Variants in PDE3A observed in about 807,000 individuals in gnomAD.
The protein encoded by PDE3A is phosphodiesterase 3A, also known as cGMP-inhibited 3',5'-cyclic phosphodiesterase 3A.
Under a neutral mutation model 98.3 loss-of-function variants are expected in PDE3A, and 43 were observed. That is an observed-to-expected ratio of 0.44 (90% CI 0.34 to 0.56). The LOEUF (loss-of-function observed/expected upper bound fraction) is 0.56, where lower values mean the gene tolerates loss of function less well. PDE3A is among the 20% of genes least tolerant of loss of function. The probability of loss-of-function intolerance (pLI) is 0.01; values close to 1 mark genes in which losing one functional copy is unlikely to be tolerated. For synonymous variants in PDE3A, 663 were observed against 567.9 expected (o/e 1.17, Z -2.38); for missense variants, 1,427 against 1,440.7 (o/e 0.99, Z 0.15).
At chr12:20,608,991 C>A (rs1185152446) in intron 2 of PDE3A, among the ~76,000 whole-genome samples, 1 of 151,964 alleles carries the variant, frequency 6.6e-6, no homozygotes, top group Non-Finnish European at 1.5e-5. Flanking sequence ...ATAAACATTA[C>A]TATTTCAGAG....
At chr12:20,525,117 G>T (rs755288060) in intron 1 of PDE3A, among the ~76,000 whole-genome samples, 1 of 152,162 alleles carries the variant, frequency 6.6e-6, no homozygotes, top group Non-Finnish European at 1.5e-5. Context: ...GGCAACAAGA[G>T]TGAAACTCTG....
chr12:20,370,345 T>C, intron 1 of PDE3A, 101 bp downstream of exon 1: 1 of 1,014,862 alleles, frequency 9.9e-7, no homozygotes, highest in East Asian at 2.7e-5. Flanking sequence ...AAAGGGAAGA[T>C]AGCCTAGAAA....
intron 1 of PDE3A, among the ~76,000 whole-genome samples, chr12:20,454,096 T>C (rs1945114035): frequency 2.0e-5 from 2 of 98,040 alleles, no homozygotes; most frequent in South Asian, 2.9e-4. Context: ...CCGTCATCTG[T>C]CTCTGTGATA....
At chr12:20,663,459 G>A (rs1421742371) in intron 15 of PDE3A, among the ~76,000 whole-genome samples, 1 of 142,452 alleles carries the variant, frequency 7.0e-6, no homozygotes, top group African/African-American at 2.4e-5. Flanking sequence ...GGGAGGTGCT[G>A]TACCCTGCAA....
chr12:20,450,702 C>T (rs560224687), intron 1 of PDE3A, among the ~76,000 whole-genome samples: 2 of 152,188 alleles, frequency 1.3e-5, no homozygotes, highest in African/African-American at 2.4e-5. Flanking sequence ...AACCAAGAGT[C>T]ATCTAGAATT....
chr12:20,479,860 A>G (rs1027525464), intron 1 of PDE3A, among the ~76,000 whole-genome samples: 1 of 152,208 alleles, frequency 6.6e-6, no homozygotes, highest in Non-Finnish European at 1.5e-5. Flanking sequence ...TTGATTTTAA[A>G]TGGACTGGTA....
rs146854307 is a variant in PDE3A at position 20,408,010 on chromosome 12, G to T, written c.960+37766G>T. 8.4e-3 allele frequency among the ~76,000 whole-genome samples: 1,283 copies of T among 152,126 alleles called. 12 individuals are homozygous for T. The highest frequency in any genetic ancestry group is 0.029 in the African/African-American group (1,222 of 41,488). On this transcript the variant is annotated intron_variant, in intron 1 of 15. Transcript: ENST00000359062. Reference sequence around the variant, plus strand: ...TCTTGGCTCACTGCAACCTCCGTCTGCCTCCTGGGTTGAAGCAATTCTGCC... The same window carrying T: ...TCTTGGCTCACTGCAACCTCCGTCTTCCTCCTGGGTTGAAGCAATTCTGCC...
chr12:20,552,392 G>A lies in PDE3A; in HGVS notation c.961-4268G>A. On this transcript the variant is annotated intron_variant, in intron 1 of 15. Transcript: ENST00000359062. This position sits in a 1 kb window ranked among gnomAD's most constrained non-coding sequence, Gnocchi z 5.1. The stretch of plus-strand genomic sequence containing the variant: ...CTGCGGAGGGACGATGATGAGCCCG[G>A]CCCTTGGACGAAGGAGGGGAAGGAC... The A allele has an allele frequency of 6.2e-7, 1 of 1,613,438 alleles. No homozygotes were observed. The highest frequency in any genetic ancestry group is 8.5e-7 in the Non-Finnish European group (1 of 1,179,872).
chr12:20,536,791 T>C (rs941701836), intron 1 of PDE3A, among the ~76,000 whole-genome samples: 3 of 152,134 alleles, frequency 2.0e-5, no homozygotes, highest in African/African-American at 7.2e-5. Flanking sequence ...ATTGATTAGT[T>C]AGTAGACATT....
chr12:20,635,055 T>C lies in PDE3A; in HGVS notation c.2000T>C (p.Leu667Pro), dbSNP rs774198132. The change falls in exon 8 of 16, where the codon CTG becomes CCG. Residue 667 changes from leucine (L) to proline (P), a missense_variant and splice_region_variant. Around this residue, in one of 3 missense-constraint regions of PDE3A, gnomAD observed 1,012 missense variants for 886.5 expected, o/e 1.14. Coordinates refer to ENST00000359062, the MANE Select transcript of PDE3A (RefSeq NM_000921.5). ...STYAPETMMFLDKPILAPEPL... is the reference protein window; with the variant it reads ...STYAPETMMFPDKPILAPEPL... ...TATGCTCCTGAGACCATGATGTTTC[T>C]GGTAGTCCCATATCACTTAACTCAC... is the stretch of plus-strand genomic sequence containing the variant. 21 of 1,610,104 alleles carry C rather than the reference T, an allele frequency of 1.3e-5. No individual in the cohort carries two copies. Among genetic ancestry groups the C allele is most frequent in the Non-Finnish European group, 7.6e-6 (9 of 1,178,300 alleles).
intron 1 of PDE3A, among the ~76,000 whole-genome samples, chr12:20,470,157 C>T (rs1485946519): frequency 6.6e-6 from 1 of 152,020 alleles, no homozygotes; most frequent in East Asian, 1.9e-4. Context: ...ATTCAGTATC[C>T]TCCATTATTT....
At chr12:20,564,841 T>C (rs1942615135) in intron 2 of PDE3A, among the ~76,000 whole-genome samples, 1 of 152,148 alleles carries the variant, frequency 6.6e-6, no homozygotes, top group South Asian at 2.1e-4. Context: ...TTGGGGCCTG[T>C]GGACATCATT....
intron 2 of PDE3A, among the ~76,000 whole-genome samples, chr12:20,608,172 C>G (rs907054722): frequency 2.6e-5 from 4 of 152,092 alleles, no homozygotes; most frequent in Non-Finnish European, 5.9e-5. Context: ...TGTTTTTCAC[C>G]ATTTCATGTG....
intron 1 of PDE3A, among the ~76,000 whole-genome samples, chr12:20,398,051 G>GT (rs57766880): frequency 0.37 from 50,592 of 137,304 alleles, 9,656 homozygotes; most frequent in East Asian, 0.53. Context: ...TTTTTTTTTT[G>GT]TTTTTTTTTT....
intron 1 of PDE3A, among the ~76,000 whole-genome samples, chr12:20,443,802 C>T (rs1158139888): frequency 6.6e-6 from 1 of 152,134 alleles, no homozygotes; most frequent in African/African-American, 2.4e-5. Flanking sequence ...AGCAAATTTT[C>T]TTATGGAACA....
intron 1 of PDE3A, among the ~76,000 whole-genome samples, chr12:20,381,465 G>A (rs1530445): frequency 6.6e-6 from 1 of 151,540 alleles, no homozygotes; most frequent in African/African-American, 2.4e-5. Flanking sequence ...AAACTAGAAC[G>A]CTTTATGATT....
rs538205744 is a variant in PDE3A at position 20,511,870 on chromosome 12, T to G, written c.961-44790T>G. ...ATCACAATAAGTGGTGTTGATAGTA[T>G]AGACCCATAATATGATGTAATTAGA... On this transcript the variant is annotated intron_variant, in intron 1 of 15. Coordinates refer to ENST00000359062, the MANE Select transcript of PDE3A (RefSeq NM_000921.5). Among the ~76,000 whole-genome samples the G allele has an allele frequency of 1.8e-4, 28 of 152,218 alleles. No individual in the cohort carries two copies. In the Middle Eastern group the frequency reaches 0.01, roughly 55 times the overall value.
intron 10 of PDE3A, among the ~76,000 whole-genome samples, chr12:20,644,711 A>T (rs1015579641): frequency 2.0e-5 from 3 of 152,060 alleles, no homozygotes; most frequent in Admixed American, 2.0e-4. Flanking sequence ...AATCTTAATG[A>T]AATTGCTCTT....
chr12:20,377,888 C>T (rs1316277129), intron 1 of PDE3A, among the ~76,000 whole-genome samples: 1 of 151,800 alleles, frequency 6.6e-6, no homozygotes, highest in African/African-American at 2.4e-5. Flanking sequence ...TATGGATACA[C>T]TGTAAACACA....
Sources: gnomAD v4.1 joint callset for allele counts (sites outside exome capture counted in the v4.1 genomes callset) on GRCh38, gnomAD v4.1.1 for gene constraint, gnomAD v4.1.1 regional missense constraint, Gnocchi (gnomAD v3.1) non-coding constraint, MANE v1.5 for transcripts, NCBI Gene and HGNC (gene_info 2026-07-23, HGNC 2026-07-21) for gene names.